The following EMSY variants were observed in gnomAD, a reference collection of about 807,000 sequenced individuals.
EMSY encodes the protein BRCA2-interacting transcriptional repressor EMSY.
EMSY carries 26 observed loss-of-function variants against 134.6 expected under a neutral mutation model. That is an observed-to-expected ratio of 0.19 (90% CI 0.14 to 0.27). EMSY has a LOEUF of 0.27. Among genes scored for constraint, EMSY ranks in the 10% least tolerant of loss-of-function variants. The pLI is 1.00. For synonymous variants in EMSY, 579 were observed against 577.8 expected (o/e 1.00, Z -0.03); for missense variants, 1,305 against 1,611.4 (o/e 0.81, Z 3.26).
intron 8 of EMSY, among the ~76,000 whole-genome samples, chr11:76,485,575 C>T (rs549992006): frequency 6.6e-6 from 1 of 152,298 alleles, no homozygotes; most frequent in East Asian, 1.9e-4. Flanking sequence ...TTATCACAAA[C>T]CCACAGCCAA....
intron 14 of EMSY, among the ~76,000 whole-genome samples, chr11:76,529,820 C>G (rs1480914065): frequency 1.3e-5 from 2 of 152,116 alleles, no homozygotes; most frequent in African/African-American, 4.8e-5. Context: ...TTTTCTGAAT[C>G]CGTTTGCTAA....
chr11:76,524,244 T>G (rs574366440), intron 12 of EMSY, among the ~76,000 whole-genome samples: 82 of 152,294 alleles, frequency 5.4e-4, no homozygotes, highest in African/African-American at 1.6e-3. Flanking sequence ...CCAGTGAGGT[T>G]GTTTAGTAAC....
Position 76,518,889 on chromosome 11 carries a change from T to G in EMSY, c.1684+2577T>G, listed in dbSNP as rs144628919. Among the ~76,000 whole-genome samples, 494 of 150,976 alleles carry G rather than the reference T, an allele frequency of 3.3e-3. 3 individuals are homozygous for G. Among genetic ancestry groups the G allele is most frequent in the Non-Finnish European group, 5.4e-3 (367 of 67,710 alleles). ...GTGTGTGTGTGTGTGTGTGTCATTA[T>G]AAATAATTCTATGACGAACATTATT... is the stretch of plus-strand genomic sequence containing the variant. On this transcript the variant is annotated intron_variant, in intron 11 of 20. Coordinates refer to ENST00000334736, the Ensembl canonical transcript of EMSY.
At chr11:76,446,223 C>T (rs1426177614) in intron 1 of EMSY, among the ~76,000 whole-genome samples, 1 of 151,690 alleles carries the variant, frequency 6.6e-6, no homozygotes, top group Non-Finnish European at 1.5e-5. Flanking sequence ...TAAGTAAGTT[C>T]CTGGCAGCTC....
chr11:76,472,754 C>A, exon 8 of EMSY: 1 of 1,614,210 alleles, frequency 6.2e-7, no homozygotes, highest in South Asian at 1.1e-5. Flanking sequence ...AGCAGCAGTT[C>A]TACACCATCA....
chr11:76,541,483 A>C (rs2136673578), intron 17 of EMSY, among the ~76,000 whole-genome samples: 1 of 152,322 alleles, frequency 6.6e-6, no homozygotes. Context: ...GTCCTCTTCT[A>C]GGTAGAAACA....
At chr11:76,520,237 A>G (rs371878052) in intron 11 of EMSY, among the ~76,000 whole-genome samples, 14 of 151,978 alleles carry the variant, frequency 9.2e-5, no homozygotes, top group African/African-American at 3.1e-4. Context: ...ATTTTCTGAC[A>G]TTTGCCCCCC....
At chr11:76,537,705 A>G in intron 15 of EMSY, 90 bp from the exon 17 acceptor site, 7 of 1,198,994 alleles carry the variant, frequency 5.8e-6, no homozygotes, top group African/African-American at 1.6e-5. Context: ...GTGGCACCCC[A>G]GAGGTCTGGT....
intron 9 of EMSY, among the ~76,000 whole-genome samples, chr11:76,510,015 G>A (rs970100808): frequency 1.3e-5 from 2 of 152,166 alleles, no homozygotes; most frequent in Admixed American, 6.5e-5. Context: ...TCATGCCACC[G>A]CACTTCAGCC....
chr11:76,546,408 A>G (rs1200044701), intron 20 of EMSY, 111 bp downstream of exon 21: 57 of 1,382,964 alleles, frequency 4.1e-5, no homozygotes, highest in Non-Finnish European at 5.5e-5. Context: ...GCAGGAAGAC[A>G]TAGATATTAT....
chr11:76,542,739 G>C (rs1591022191), intron 18 of EMSY, among the ~76,000 whole-genome samples: 1 of 109,960 alleles, frequency 9.1e-6, no homozygotes, highest in South Asian at 2.8e-4. Flanking sequence ...TTTGTAGTTT[G>C]TTTTTCGTTT....
At chr11:76,531,975 A>C (rs1245254619) in intron 14 of EMSY, among the ~76,000 whole-genome samples, 1 of 152,132 alleles carries the variant, frequency 6.6e-6, no homozygotes, top group African/African-American at 2.4e-5. Context: ...AACTGTCTCC[A>C]TATAGGCTAG....
At chr11:76,464,294 A>G (rs1948261276) in intron 7 of EMSY, among the ~76,000 whole-genome samples, 1 of 152,226 alleles carries the variant, frequency 6.6e-6, no homozygotes, top group Non-Finnish European at 1.5e-5. Flanking sequence ...AATGACTTGC[A>G]TAATATGACA....
intron 9 of EMSY, among the ~76,000 whole-genome samples, chr11:76,503,335 A>G (rs1318470046): frequency 1.4e-5 from 2 of 147,882 alleles, no homozygotes; most frequent in African/African-American, 5.0e-5. Context: ...AAGAAGAAGG[A>G]GAGGACTCAA....
At chr11:76,523,323 A>ATTGCT in intron 12 of EMSY, 32 bp downstream of exon 13, 1 of 1,595,058 alleles carries the variant, frequency 6.3e-7, no homozygotes, top group Non-Finnish European at 8.5e-7. Flanking sequence ...AGACTTAGCA[A>ATTGCT]TTCACAGAGG....
chr11:76,496,257 C>T (rs1180814949), exon 9 of EMSY: 1 of 1,614,112 alleles, frequency 6.2e-7, no homozygotes, highest in Non-Finnish European at 8.5e-7. Flanking sequence ...ACCAGACTTC[C>T]TTCCCCCAAA....
intron 8 of EMSY, 47 bp downstream of exon 9, chr11:76,472,887 A>G: frequency 1.3e-6 from 2 of 1,589,084 alleles, no homozygotes; most frequent in Non-Finnish European, 1.7e-6. Flanking sequence ...GCTATATGGA[A>G]TTTTGAAGAA....
intron 9 of EMSY, among the ~76,000 whole-genome samples, chr11:76,501,980 G>C (rs1285878116): frequency 6.9e-6 from 1 of 145,578 alleles, no homozygotes; most frequent in South Asian, 2.3e-4. Flanking sequence ...ATAAAGTTAC[G>C]TAAGAGCTGA....
chr11:76,462,124 A>C (rs1948146636), intron 6 of EMSY, among the ~76,000 whole-genome samples: 1 of 151,960 alleles, frequency 6.6e-6, no homozygotes, highest in Non-Finnish European at 1.5e-5. Context: ...CTGTAATCCC[A>C]GCTACTTGGG....
Sources: allele counts gnomAD v4.1 joint callset (sites outside exome capture counted in the v4.1 genomes callset), GRCh38; gene constraint gnomAD v4.1.1; transcripts MANE v1.5; gene names NCBI Gene and HGNC (gene_info 2026-07-23, HGNC 2026-07-21).